Variants in IL17RD observed in about 807,000 individuals in gnomAD.
IL17RD encodes the protein interleukin 17 receptor D, also known as interleukin-17 receptor D.
In IL17RD, 52 loss-of-function variants were observed where a neutral mutation model predicts 80.5. That is an observed-to-expected ratio of 0.65 (90% CI 0.52 to 0.81). The LOEUF (loss-of-function observed/expected upper bound fraction) is 0.81. Among genes scored for constraint, IL17RD ranks in the 40% least tolerant of loss-of-function variants. IL17RD has a pLI of 0.00. For missense variants in IL17RD, 1,024 were observed against 955.1 expected (o/e 1.07, Z -0.95); for synonymous variants, 416 against 391.8 (o/e 1.06, Z -0.73).
rs201068149 is a variant in IL17RD at position 57,105,829 on chromosome 3, G to T, written c.747+28C>A. On this transcript the variant is annotated intron_variant, in intron 7 of 12. Transcript: ENST00000296318. ...TGGGGGTCGCTTTGAAACACGCAGTGTTCCTTTATATACACCCAGCAGCTC... is the reference window on the plus strand; with the variant it reads ...TGGGGGTCGCTTTGAAACACGCAGTTTTCCTTTATATACACCCAGCAGCTC... 19 of 1,604,024 alleles carry T rather than the reference G, an allele frequency of 1.2e-5. No individual in the cohort carries two copies. The East Asian group carries it at 4.2e-4, about 36-fold the overall frequency.
chr3:57,097,344 A>G, intron 12 of IL17RD: 1 of 529,354 alleles, frequency 1.9e-6, no homozygotes, highest in Non-Finnish European at 3.4e-6. Flanking sequence ...TACAGTGCAT[A>G]GTCTGTATGT....
Position 57,101,224 on chromosome 3 carries a change from G to A in IL17RD, c.1119C>T (p.Val373=), listed in dbSNP as rs150193350. 1.2e-5 allele frequency: 19 copies of A among 1,613,590 alleles called. No homozygotes were observed. The African/African-American group carries it at 1.2e-4, about 10-fold the overall frequency. ...SSKDGQNHMN[V]VQCFAYFLQD... is the part of the protein sequence containing the mutation. ...GGAGGAAGTAGGCGAAACACTGGACGACATTCATGTGATTCTGGCCATCTT... is the reference window on the plus strand; with the variant it reads ...GGAGGAAGTAGGCGAAACACTGGACAACATTCATGTGATTCTGGCCATCTT... The change falls in exon 11 of 13, where the codon GTC becomes GTT. Residue 373 remains valine, a synonymous_variant. Coordinates refer to ENST00000296318, the MANE Select transcript of IL17RD (RefSeq NM_017563.5).
upstream of IL17RD, chr3:57,165,360 TGGCCGCGGC>T (rs1302497939): frequency 2.4e-4 from 274 of 1,159,136 alleles, 5 homozygotes; most frequent in East Asian, 7.7e-3. Context: ...GAGTGGGCGG[TGGCCGCGGC>T]GGCCGCGGCG....
intron 1 of IL17RD, among the ~76,000 whole-genome samples, chr3:57,130,158 C>T (rs1325822605): frequency 6.6e-6 from 1 of 152,182 alleles, no homozygotes; most frequent in Non-Finnish European, 1.5e-5. Flanking sequence ...ATAATCCTTA[C>T]CCAATTTCCC....
rs751647675 is a variant in IL17RD, at chr3:57,101,366, A to C, written c.980-3T>G. 1.3e-6 allele frequency: 2 copies of C among 1,574,358 alleles called. No homozygotes were observed. The highest frequency in any genetic ancestry group is 2.3e-5 in the South Asian group (2 of 87,678). ...ATCTAAATGTGAATATATATTTTCT[A>C]AATTGGAAAAGAAGATAAGGTTGAT... is the stretch of plus-strand genomic sequence containing the variant. On this transcript the variant is annotated splice_polypyrimidine_tract_variant and splice_region_variant and intron_variant, in intron 10 of 12. Coordinates refer to ENST00000296318, the MANE Select transcript of IL17RD (RefSeq NM_017563.5).
chr3:57,159,971 A>G (rs1031085110), intron 1 of IL17RD, among the ~76,000 whole-genome samples: 2 of 152,232 alleles, frequency 1.3e-5, no homozygotes, highest in African/African-American at 4.8e-5. Flanking sequence ...CAGGAGTTCG[A>G]GACCAGCCTG....
At chr3:57,127,422 T>G (rs1707519727) in intron 1 of IL17RD, among the ~76,000 whole-genome samples, 2 of 128,932 alleles carry the variant, frequency 1.6e-5, no homozygotes, top group South Asian at 2.5e-4. Context: ...ATTTTTTTTT[T>G]GAGATAAGAG....
chr3:57,101,297 C>T lies in IL17RD; in HGVS notation c.1046G>A (p.Arg349Lys). The change falls in exon 11 of 13, where the codon AGA becomes AAA. Residue 349 changes from arginine to lysine, a missense_variant. Coordinates refer to ENST00000296318, the MANE Select transcript of IL17RD (RefSeq NM_017563.5). ...ESSTYTAALP[R>K]ERLRPRPKVF... is the part of the protein sequence containing the mutation. ...CTTCGGCCGCGGCCGGAGCCTCTCT[C>T]TTGGGAGTGCTGCAGTGTATGTGGA... is the stretch of plus-strand genomic sequence containing the variant. 1 of 1,613,344 alleles carries T rather than the reference C, an allele frequency of 6.2e-7. No homozygotes were observed. Among genetic ancestry groups the T allele is most frequent in the Non-Finnish European group, 8.5e-7 (1 of 1,179,430 alleles).
At chr3:57,127,627 G>A (rs1447001387) in intron 1 of IL17RD, among the ~76,000 whole-genome samples, 6 of 150,884 alleles carry the variant, frequency 4.0e-5, no homozygotes, top group Admixed American at 6.6e-5. Context: ...GCCTGGTCTC[G>A]AACTCCTGAT....
At chr3:57,143,923 A>T (rs1456291772) in intron 1 of IL17RD, among the ~76,000 whole-genome samples, 1 of 152,242 alleles carries the variant, frequency 6.6e-6, no homozygotes, top group East Asian at 1.9e-4. Context: ...CTGTACCTAC[A>T]GGGGCAAGAG....
intron 1 of IL17RD, among the ~76,000 whole-genome samples, chr3:57,126,837 T>C (rs1707469379): frequency 6.6e-6 from 1 of 152,092 alleles, no homozygotes; most frequent in African/African-American, 2.4e-5. Flanking sequence ...GAAGACTTTT[T>C]TTTTTGAGGC....
chr3:57,156,634 G>T (rs927235559), intron 1 of IL17RD, among the ~76,000 whole-genome samples: 1 of 152,174 alleles, frequency 6.6e-6, no homozygotes, highest in Non-Finnish European at 1.5e-5. Flanking sequence ...TTCACTCAAT[G>T]AATGAATGGC....
intron 1 of IL17RD, among the ~76,000 whole-genome samples, chr3:57,129,728 C>T (rs1475420741): frequency 5.3e-5 from 8 of 152,166 alleles, no homozygotes; most frequent in Non-Finnish European, 1.0e-4. Context: ...GGAAATATTA[C>T]AGGACATGCT....
At chr3:57,120,934 AG>A (rs1707323387) in intron 1 of IL17RD, among the ~76,000 whole-genome samples, 1 of 152,248 alleles carries the variant, frequency 6.6e-6, no homozygotes, top group Admixed American at 6.5e-5. Context: ...TGTGGCCGTC[AG>A]CCATCTGCAC....
intron 1 of IL17RD, chr3:57,142,547 G>C: frequency 1.6e-6 from 2 of 1,273,076 alleles, no homozygotes; most frequent in Non-Finnish European, 2.1e-6. Flanking sequence ...CCCCCACTCC[G>C]GCCTCCTGGC....
Position 57,098,392 on chromosome 3 carries a change from G to T in IL17RD, c.1311C>A (p.His437Gln), listed in dbSNP as rs1706749002. 2.5e-6 allele frequency: 4 copies of T among 1,613,894 alleles called. No homozygotes were observed. Among genetic ancestry groups the T allele is most frequent in the South Asian group, 2.2e-5 (2 of 91,086 alleles). The change falls in exon 12 of 13, where the codon CAC (histidine) becomes CAA (glutamine). Residue 437 changes from histidine (H) to glutamine (Q), a missense_variant. His to Gln is a conservative substitution (Grantham distance 24). Transcript: ENST00000296318. ...KYFVDKKNYK[H>Q]KGGGRGSGKG... ...TCCCCGAGCCTCGGCCACCTCCTTTGTGTTTGTAGTTCTTCTTGTCCACAA... is the reference window on the plus strand; with the variant it reads ...TCCCCGAGCCTCGGCCACCTCCTTTTTGTTTGTAGTTCTTCTTGTCCACAA...
intron 1 of IL17RD, among the ~76,000 whole-genome samples, chr3:57,139,766 G>A (rs906971347): frequency 6.6e-6 from 1 of 152,092 alleles, no homozygotes; most frequent in Admixed American, 6.5e-5. Context: ...GCCCACCTCA[G>A]CCTTCCTCCA....
intron 1 of IL17RD, chr3:57,164,905 G>T: frequency 8.1e-7 from 1 of 1,239,800 alleles, no homozygotes; most frequent in Non-Finnish European, 1.0e-6. Context: ...CTCTGAATGG[G>T]ACCCCGGCCG....
chr3:57,127,211 A>AT lies in IL17RD; in HGVS notation c.127-6899_127-6898insA, dbSNP rs1428508194. Among the ~76,000 whole-genome samples the AT allele has an allele frequency of 2.7e-5, 3 of 111,048 alleles. 1 individual carries two copies. Among genetic ancestry groups the AT allele is most frequent in the African/African-American group, 1.3e-4 (3 of 22,380 alleles). 72.9% of individuals were successfully genotyped at this position (111,048 alleles called of 152,430 possible). A position where few individuals can be genotyped will look rare whatever the true frequency, so the allele number is the denominator to read the frequency against. ...ATATATATATATAAATATATATAAA[A>AT]ATATATATAAATATATATAAAAATA... On this transcript the variant is annotated intron_variant, in intron 1 of 12. Transcript: ENST00000296318.
Sources: gnomAD v4.1 joint callset for allele counts (sites outside exome capture counted in the v4.1 genomes callset) on GRCh38, gnomAD v4.1.1 for gene constraint, MANE v1.5 for transcripts, NCBI Gene and HGNC (gene_info 2026-07-23, HGNC 2026-07-21) for gene names.